COL14A1: variants seen among roughly 807,000 people sequenced by gnomAD.
COL14A1 encodes collagen alpha-1(XIV) chain.
A neutral mutation model predicts 230.3 loss-of-function variants in COL14A1; 136 were observed. The ratio of observed to expected loss-of-function variants is 0.59; its 90% CI spans 0.51 to 0.68. The LOEUF (loss-of-function observed/expected upper bound fraction) is 0.68, where lower values mean the gene tolerates loss of function less well. Ranked by LOEUF, COL14A1 falls within the 30% of genes least tolerant of loss-of-function variation. The pLI, the probability that COL14A1 is intolerant of heterozygous loss-of-function variation, is 0.00. For synonymous variants in COL14A1, 792 were observed against 784.1 expected, an observed-to-expected ratio of 1.01 and a Z score of -0.17; for missense variants, 1,976 against 2,215.8, an observed-to-expected ratio of 0.89 and a Z score of 2.17.
chr8:120,314,052 C>A, intron 38 of COL14A1, 25 bp downstream of exon 38: 1 of 1,509,448 alleles, frequency 6.6e-7, no homozygotes, highest in Non-Finnish European at 9.1e-7. Context: ...AACATTCAGA[C>A]GGGTTTTATT....
At chr8:120,191,902 A>C (rs540283968) in intron 5 of COL14A1, among the ~76,000 whole-genome samples, 27 of 151,448 alleles carry the variant, frequency 1.8e-4, no homozygotes, top group African/African-American at 5.6e-4. Context: ...TGCTTGGTAG[A>C]TCTTCCTCCA....
intron 26 of COL14A1, among the ~76,000 whole-genome samples, chr8:120,273,254 T>C (rs1219571636): frequency 6.6e-6 from 1 of 151,652 alleles, no homozygotes; most frequent in African/African-American, 2.4e-5. Flanking sequence ...AAGATAATAC[T>C]TACACAAGTT....
At chr8:120,228,250 A>G (rs1818157223) in intron 17 of COL14A1, among the ~76,000 whole-genome samples, 1 of 152,196 alleles carries the variant, frequency 6.6e-6, no homozygotes, top group South Asian at 2.1e-4. Flanking sequence ...GAAGAGCACC[A>G]CATCTGTACT....
chr8:120,197,308 A>G (rs1817070728), intron 6 of COL14A1, among the ~76,000 whole-genome samples: 1 of 152,190 alleles, frequency 6.6e-6, no homozygotes, highest in Non-Finnish European at 1.5e-5. Flanking sequence ...ATTTAATAGT[A>G]CAAGATAACC....
At chr8:120,212,661 G>T (rs1817647438) in intron 13 of COL14A1, 84 bp downstream of exon 13, 1 of 1,480,780 alleles carries the variant, frequency 6.8e-7, no homozygotes, top group Non-Finnish European at 9.3e-7. Flanking sequence ...TACTAGTTTT[G>T]TTGAAACCTC....
chr8:120,356,405 C>A (rs1822986016), intron 45 of COL14A1, among the ~76,000 whole-genome samples: 1 of 152,222 alleles, frequency 6.6e-6, no homozygotes, highest in Admixed American at 6.5e-5. Flanking sequence ...GGCTTCGCCA[C>A]TTAACTAGCT....
At chr8:120,130,937 T>G (rs1456019059) in intron 1 of COL14A1, among the ~76,000 whole-genome samples, 2 of 152,184 alleles carry the variant, frequency 1.3e-5, no homozygotes, top group Non-Finnish European at 2.9e-5. Flanking sequence ...TGTGTACTGT[T>G]TAGCTCCTAC....
intron 47 of COL14A1, among the ~76,000 whole-genome samples, chr8:120,369,726 C>T (rs1823524493): frequency 6.6e-6 from 1 of 152,184 alleles, no homozygotes; most frequent in East Asian, 1.9e-4. Flanking sequence ...CTAAGTCTTC[C>T]TTGCTTCCCA....
At chr8:120,349,501 A>G (rs13276621) in intron 45 of COL14A1, among the ~76,000 whole-genome samples, 19,434 of 74,828 alleles carry the variant, frequency 0.26, 3,445 homozygotes, top group African/African-American at 0.51. Flanking sequence ...AAATTTAGAA[A>G]AATGTATAAC....
chr8:120,284,272 A>T (rs11775222), intron 32 of COL14A1, among the ~76,000 whole-genome samples: 99,895 of 152,048 alleles, frequency 0.66, 33,891 homozygotes, highest in African/African-American at 0.84. Context: ...GGTGGGATCA[A>T]CTAGAAAATG....
At chr8:120,285,730 C>T in intron 32 of COL14A1, 131 bp from the exon 33 acceptor site, 1 of 651,832 alleles carries the variant, frequency 1.5e-6, no homozygotes, top group East Asian at 2.8e-5. Context: ...AGAACACTTC[C>T]TTACTCATCA....
intron 37 of COL14A1, among the ~76,000 whole-genome samples, chr8:120,311,792 C>A (rs1260132858): frequency 6.6e-6 from 1 of 152,074 alleles, no homozygotes; most frequent in Admixed American, 6.6e-5. Context: ...TTTGCAATTT[C>A]TCGATAACAT....
intron 36 of COL14A1, among the ~76,000 whole-genome samples, chr8:120,308,485 CAT>C (rs1264473290): frequency 6.6e-6 from 1 of 152,182 alleles, no homozygotes; most frequent in Admixed American, 6.5e-5. Flanking sequence ...AAAAGTGTGA[CAT>C]CACATATTTA....
Position 120,321,150 on chromosome 8 carries a change from A to G in COL14A1, c.4659+5153A>G, listed in dbSNP as rs546443638. ...AATAAGCAGGACTTCAACACGGAAGATGTTGCGCCCAGCATTTTGGGGCAA... is the reference window on the plus strand; with the variant it reads ...AATAAGCAGGACTTCAACACGGAAGGTGTTGCGCCCAGCATTTTGGGGCAA... On this transcript the variant is annotated intron_variant, in intron 40 of 47. Transcript: ENST00000297848. 1.4e-4 allele frequency among the ~76,000 whole-genome samples: 21 copies of G among 152,294 alleles called. No homozygotes were observed. In the South Asian group the frequency reaches 3.9e-3, roughly 29 times the overall value.
intron 19 of COL14A1, among the ~76,000 whole-genome samples, chr8:120,240,082 A>G (rs1818567954): frequency 6.6e-6 from 1 of 152,084 alleles, no homozygotes; most frequent in African/African-American, 2.4e-5. Context: ...GAAGGGAAAA[A>G]AAGATCAAAA....
At chr8:120,214,019 G>T in intron 13 of COL14A1, 1 of 340,600 alleles carries the variant, frequency 2.9e-6, no homozygotes, top group Non-Finnish European at 5.7e-6. Flanking sequence ...TGAAAGAACT[G>T]GGCTTTGAGG....
intron 3 of COL14A1, among the ~76,000 whole-genome samples, chr8:120,161,986 A>C (rs1482082910): frequency 1.3e-5 from 2 of 152,124 alleles, no homozygotes; most frequent in Non-Finnish European, 2.9e-5. Context: ...TTTTAAGTGG[A>C]ATTCTTTCCT....
chr8:120,197,682 T>A, intron 6 of COL14A1, 129 bp from the exon 7 acceptor site: 1 of 878,210 alleles, frequency 1.1e-6, no homozygotes, highest in South Asian at 2.3e-5. Context: ...TTTTTGAAAA[T>A]TTATAGCCAG....
chr8:120,136,369 A>G (rs1004137959), intron 1 of COL14A1, among the ~76,000 whole-genome samples: 72 of 83,832 alleles, frequency 8.6e-4, no homozygotes, highest in Non-Finnish European at 1.1e-4. Flanking sequence ...GATTACACGC[A>G]CACACACACA....
Sources: gnomAD v4.1 joint callset for allele counts (sites outside exome capture counted in the v4.1 genomes callset) on GRCh38, gnomAD v4.1.1 for gene constraint, MANE v1.5 for transcripts, NCBI Gene and HGNC (gene_info 2026-07-23, HGNC 2026-07-21) for gene names.